EPHX3: variants seen among roughly 807,000 people sequenced by gnomAD.
EPHX3 encodes the protein abhydrolase domain containing 9.
EPHX3 carries 39 observed loss-of-function variants against 40.2 expected under a neutral mutation model. That is an observed-to-expected ratio of 0.97 (90% CI 0.75 to 1.27). EPHX3 has a LOEUF of 1.27. Ranked by LOEUF, EPHX3 falls within the 50% of genes most tolerant of loss-of-function variation. The pLI is 0.00. For synonymous variants in EPHX3, 213 were observed against 209.7 expected, an observed-to-expected ratio of 1.02 and a Z score of -0.14; for missense variants, 442 against 474.0, an observed-to-expected ratio of 0.93 and a Z score of 0.63.
intron 4 of EPHX3, 22 bp from the exon 5 acceptor site, chr19:15,228,122 A>G: frequency 1.3e-6 from 2 of 1,535,904 alleles, no homozygotes; most frequent in East Asian, 2.3e-5. Flanking sequence ...GGGTTGGGGG[A>G]GAGATATAAG....
intron 4 of EPHX3, 66 bp from the exon 5 acceptor site, chr19:15,228,166 C>A (rs896717175): frequency 5.7e-5 from 71 of 1,255,916 alleles, no homozygotes; most frequent in Non-Finnish European, 7.4e-5. Context: ...ACACCTGCAC[C>A]CCTACACATA....
intron 4 of EPHX3, among the ~76,000 whole-genome samples, chr19:15,228,461 C>T (rs2047129173): frequency 6.7e-6 from 1 of 150,318 alleles, no homozygotes; most frequent in South Asian, 2.1e-4. Context: ...GTCAAAACTC[C>T]CTGTTCATCC....
chr19:15,228,412 A>G (rs1393290669), intron 4 of EPHX3, among the ~76,000 whole-genome samples: 1 of 151,646 alleles, frequency 6.6e-6, no homozygotes, highest in East Asian at 1.9e-4. Context: ...CAACTACTGC[A>G]TGCCAGGCCT....
In EPHX3 at chr19:15,227,516, A is replaced by T; in HGVS notation, c.1004T>A (p.Ile335Lys). The change falls in exon 7 of 7, where the codon ATA (isoleucine) becomes AAA (lysine). Residue 335 changes from isoleucine to lysine, a missense_variant. By Grantham distance (102) the Ile-to-Lys change is moderately radical. Transcript: ENST00000221730. The stretch of plus-strand genomic sequence containing the variant: ...GTTGCTCTGTGGGATCCAATGCCCT[A>T]TGCCTGGCAGGATGTGGGCCTCCAA... The part of the protein sequence containing the change: ...GRLEAHILPG[I>K]GHWIPQSNPQ... The T allele has an allele frequency of 6.2e-7, 1 of 1,614,118 alleles. No individual in the cohort carries two copies. The highest frequency in any genetic ancestry group is 1.1e-5 in the South Asian group (1 of 91,084).
chr19:15,228,362 G>A (rs975976747), intron 4 of EPHX3, among the ~76,000 whole-genome samples: 2 of 152,228 alleles, frequency 1.3e-5, no homozygotes, highest in Admixed American at 1.3e-4. Context: ...CCCAGGCCAG[G>A]GTGCGTTTCC....
intron 3 of EPHX3, 47 bp from the exon 4 acceptor site, chr19:15,231,137 T>A (rs1339063238): frequency 6.2e-7 from 1 of 1,612,996 alleles, no homozygotes; most frequent in East Asian, 2.2e-5. Flanking sequence ...CCAGTAGGAC[T>A]GAAGCAGGGA....
chr19:15,229,853 C>T (rs1478724869), intron 4 of EPHX3, among the ~76,000 whole-genome samples: 7 of 115,900 alleles, frequency 6.0e-5, no homozygotes, highest in Non-Finnish European at 3.3e-5. Flanking sequence ...CGCCACTGCA[C>T]TCCAGCCTGG....
At chr19:15,229,331 G>A (rs1400817055) in intron 4 of EPHX3, among the ~76,000 whole-genome samples, 1 of 152,134 alleles carries the variant, frequency 6.6e-6, no homozygotes, top group Non-Finnish European at 1.5e-5. Context: ...CAGGCAGGGT[G>A]GCTCACTCCT....
Position 15,232,203 on chromosome 19 carries a change from C to G in EPHX3, c.9G>C (p.Glu3Asp). ...GCGCCAGCAGCGCGGTCACCACCAG[C>G]TCCGGCATGTCGCCGCGCTCCGGGA... MP[E>D]LVVTALLAPS... is the part of the protein sequence containing the mutation. The change falls in exon 1 of 7, where the codon GAG (glutamate) becomes GAC (aspartate). Residue 3 changes from glutamate to aspartate, a missense_variant. Physicochemically the swap from Glu to Asp is conservative, Grantham distance 45 (BLOSUM62 2). Transcript: ENST00000221730. 1 of 1,508,622 alleles carries G rather than the reference C, an allele frequency of 6.6e-7. No individual in the cohort carries two copies. The highest frequency in any genetic ancestry group is 1.4e-5 in the African/African-American group (1 of 69,040). 93.5% of individuals were successfully genotyped at this position (1,508,622 alleles called of 1,614,324 possible).
upstream of EPHX3, chr19:15,236,879 C>T (rs2047195726): frequency 1.0e-5 from 2 of 197,988 alleles, no homozygotes; most frequent in Non-Finnish European, 2.1e-5. Flanking sequence ...TCAGTACAGA[C>T]CAAATGCATA....
rs781334444 is a variant in EPHX3 at position 15,227,817 on chromosome 19, G to T, written c.811C>A (p.Pro271Thr). The T allele has an allele frequency of 2.5e-6, 4 of 1,614,070 alleles. No individual in the cohort carries two copies. The highest frequency in any genetic ancestry group is 2.5e-6 in the Non-Finnish European group (3 of 1,180,014). ...TTGAGGGGCCCAGTGAGGCCACCAG[G>T]CTGTGAGAAGTTATAAAGGAAGGCC... ...LEAFLYNFSQ[P>T]GGLTGPLNYY... is the part of the protein sequence containing the mutation. Residue 271 changes from proline to threonine, a missense_variant, in exon 6 of 7, where the codon CCT becomes ACT. Pro to Thr is a conservative substitution (Grantham distance 38). Coordinates refer to ENST00000221730, the MANE Select transcript of EPHX3 (RefSeq NM_024794.3).
chr19:15,236,298 C>A (rs2047191508), upstream of EPHX3: 1 of 152,192 alleles, frequency 6.6e-6, no homozygotes, highest in Non-Finnish European at 1.5e-5. Context: ...CATGTACATA[C>A]ACAAGTGGAC....
At position 15,231,767 on chromosome 19, in the gene EPHX3, C is replaced by T. The variant is rs747109829; in HGVS notation, c.329+9G>A. ...CCCGTGGGCCTCAGGCCCCTGGCCC[C>T]AGACGTACCAGTTCTCAGGGAAGCC... On this transcript the variant is annotated intron_variant, in intron 2 of 6. Transcript: ENST00000221730. The T allele has an allele frequency of 1.2e-6, 2 of 1,613,764 alleles. No homozygotes were observed. Among genetic ancestry groups the T allele is most frequent in the African/African-American group, 1.3e-5 (1 of 74,952 alleles).
At chr19:15,230,686 T>A (rs1361434288) in intron 4 of EPHX3, among the ~76,000 whole-genome samples, 1 of 131,280 alleles carries the variant, frequency 7.6e-6, no homozygotes, top group Non-Finnish European at 1.6e-5. Context: ...ACAGTTGGGG[T>A]CTTGCTATGT....
chr19:15,228,257 T>C (rs1357518534), intron 4 of EPHX3, among the ~76,000 whole-genome samples, 157 bp from the exon 5 acceptor site: 2 of 152,116 alleles, frequency 1.3e-5, no homozygotes, highest in Non-Finnish European at 2.9e-5. Flanking sequence ...CCTCCTGGCC[T>C]GGGCACCAGC....
chr19:15,228,503 ATTTTTTTTTT>A (rs780716729), intron 4 of EPHX3, among the ~76,000 whole-genome samples: 6 of 62,742 alleles, frequency 9.6e-5, no homozygotes, highest in African/African-American at 2.2e-4. Flanking sequence ...TGTATCTATA[ATTTTTTTTTT>A]TTTTTTTTTT....
At position 15,227,850 on chromosome 19, in the gene EPHX3, C is replaced by T. The variant is rs760409070; in HGVS notation, c.778G>A (p.Glu260Lys). ...AAGTTATAAAGGAAGGCCTCGAGCT[C>T]GCTGGGGGTCAAGCATGGGATGCCT... Reference protein sequence around the residue: ...KTGIPCLTPSELEAFLYNFSQ... With the variant: ...KTGIPCLTPSKLEAFLYNFSQ... The change falls in exon 6 of 7, where the codon GAG becomes AAG. Residue 260 changes from glutamate to lysine, a missense_variant. Glu to Lys is a moderately conservative substitution (Grantham distance 56). Transcript: ENST00000221730. 19 of 1,613,900 alleles carry T rather than the reference C, an allele frequency of 1.2e-5. 1 individual carries two copies. The Admixed American group carries it at 2.0e-4, about 17-fold the overall frequency.
chr19:15,235,041 A>G (rs1271318663), upstream of EPHX3, among the ~76,000 whole-genome samples: 4 of 152,012 alleles, frequency 2.6e-5, no homozygotes, highest in East Asian at 5.8e-4. Context: ...TCACCATATC[A>G]CCCAAGCTGG....
intron 4 of EPHX3, among the ~76,000 whole-genome samples, chr19:15,229,721 C>T (rs1420705045): frequency 9.3e-5 from 14 of 150,216 alleles, no homozygotes; most frequent in Non-Finnish European, 1.2e-4. Context: ...GGTGAAACCC[C>T]GTCTCTACTA....
Sources: gnomAD v4.1 joint callset for allele counts (sites outside exome capture counted in the v4.1 genomes callset) on GRCh38, gnomAD v4.1.1 for gene constraint, MANE v1.5 for transcripts, NCBI Gene and HGNC (gene_info 2026-07-23, HGNC 2026-07-21) for gene names.